PRIMA1: variants seen among roughly 807,000 people sequenced by gnomAD.
PRIMA1 encodes the protein proline rich membrane anchor 1.
A neutral mutation model predicts 17.5 loss-of-function variants in PRIMA1; 7 were observed. The ratio of observed to expected loss-of-function variants is 0.40; its 90% CI spans 0.23 to 0.75. PRIMA1 has a LOEUF of 0.75. Ranked by LOEUF, PRIMA1 falls within the 30% of genes least tolerant of loss-of-function variation. PRIMA1 has a pLI of 0.37. For synonymous variants in PRIMA1, 97 were observed against 77.9 expected (o/e 1.25, Z -1.29); for missense variants, 200 against 201.8 (o/e 0.99, Z 0.05).
At position 93,787,691 on chromosome 14, in the gene PRIMA1, G is replaced by C. The variant is rs1236227808; in HGVS notation, c.28C>G (p.Arg10Gly). The stretch of plus-strand genomic sequence containing the variant: ...AGCAGCGAGGACCAGCAGCAGCCAC[G>C]GCGCAGCACCAAGTCCCGGAGGAGC... MLLRDLVLR[R>G]GCCWSSLLLH... Residue 10 changes from arginine (R) to glycine (G), a missense_variant, in exon 2 of 5, where the codon CGT (arginine) becomes GGT (glycine). By Grantham distance (125) the Arg-to-Gly change is moderately radical. Transcript: ENST00000393140. 2 of 1,544,464 alleles carry C rather than the reference G, an allele frequency of 1.3e-6. No homozygotes were observed. Among genetic ancestry groups the C allele is most frequent in the East Asian group, 2.4e-5 (1 of 40,906 alleles).
intron 3 of PRIMA1, among the ~76,000 whole-genome samples, chr14:93,756,350 A>G (rs114245672): frequency 0.02 from 3,041 of 152,226 alleles, 112 homozygotes; most frequent in African/African-American, 0.069. Flanking sequence ...ACATGGATTG[A>G]TTTTAATCTA....
chr14:93,747,174 G>C (rs568150506), intron 3 of PRIMA1, among the ~76,000 whole-genome samples: 26 of 152,290 alleles, frequency 1.7e-4, no homozygotes, highest in African/African-American at 6.3e-4. Context: ...GTGCAGAGGA[G>C]GGTGACAGGG....
At chr14:93,788,785 C>A (rs1357497208), upstream of PRIMA1, among the ~76,000 whole-genome samples, 1 of 151,960 alleles carries the variant, frequency 6.6e-6, no homozygotes, top group Non-Finnish European at 1.5e-5. Context: ...GGCTGGCCGC[C>A]GAGGCGGAGG....
At chr14:93,764,174 C>T (rs958118855) in intron 3 of PRIMA1, among the ~76,000 whole-genome samples, 4 of 152,016 alleles carry the variant, frequency 2.6e-5, no homozygotes, top group South Asian at 4.2e-4. Flanking sequence ...TGCAGGCTGC[C>T]GGGCTTGGCC....
At chr14:93,782,606 C>T (rs979203495) in intron 2 of PRIMA1, among the ~76,000 whole-genome samples, 11 of 152,140 alleles carry the variant, frequency 7.2e-5, no homozygotes, top group South Asian at 4.1e-4. Flanking sequence ...GGCAACAGAG[C>T]GAGACCCTGC....
chr14:93,735,992 C>T (rs985285931), intron 4 of PRIMA1, among the ~76,000 whole-genome samples: 4 of 152,228 alleles, frequency 2.6e-5, no homozygotes, highest in African/African-American at 9.6e-5. Context: ...CCTGGCCCCA[C>T]CTTGGTTTTC....
chr14:93,732,296 A>G (rs1342155547), intron 4 of PRIMA1, among the ~76,000 whole-genome samples: 3 of 152,176 alleles, frequency 2.0e-5, no homozygotes, highest in Non-Finnish European at 1.5e-5. Flanking sequence ...CCACCCCAGG[A>G]AAACAGCCAC....
chr14:93,726,828 CAT>C lies in PRIMA1; in HGVS notation c.360-5284_360-5283del, dbSNP rs1469883641. Among the ~76,000 whole-genome samples, 1 of 152,058 alleles carries C rather than the reference CAT, an allele frequency of 6.6e-6. No individual in the cohort carries two copies. Among genetic ancestry groups the C allele is most frequent in the Non-Finnish European group, 1.5e-5 (1 of 67,988 alleles). On this transcript the variant is annotated intron_variant, in intron 4 of 4. Transcript: ENST00000393140. This position sits in a 1 kb window ranked among gnomAD's most constrained non-coding sequence, Gnocchi z 4.2. ...TACTTCAACACACACACAATATACA[CAT>C]ACACACATGTCCCTACACACATATG...
chr14:93,759,672 G>A (rs1478206601), intron 3 of PRIMA1, among the ~76,000 whole-genome samples: 2 of 152,176 alleles, frequency 1.3e-5, no homozygotes, highest in Admixed American at 6.5e-5. Context: ...GTTCCAGGAC[G>A]CTTTGCATTT....
At chr14:93,781,979 A>G (rs1186700974) in intron 2 of PRIMA1, among the ~76,000 whole-genome samples, 1 of 148,826 alleles carries the variant, frequency 6.7e-6, no homozygotes, top group Non-Finnish European at 1.5e-5. Flanking sequence ...GTCTCAAAAA[A>G]GAATAAGGCC....
At chr14:93,728,125 T>C (rs1416949664) in intron 4 of PRIMA1, among the ~76,000 whole-genome samples, 1 of 152,176 alleles carries the variant, frequency 6.6e-6, no homozygotes, top group East Asian at 1.9e-4. Flanking sequence ...GCGCCTCTCT[T>C]CACGGGCAAG....
chr14:93,758,920 C>T (rs925959660), intron 3 of PRIMA1, among the ~76,000 whole-genome samples: 8 of 152,150 alleles, frequency 5.3e-5, no homozygotes, highest in African/African-American at 1.4e-4. Flanking sequence ...CCTGCCCGCT[C>T]TCTGTGGGCT....
chr14:93,759,973 C>T (rs1206685319), intron 3 of PRIMA1, among the ~76,000 whole-genome samples: 1 of 152,252 alleles, frequency 6.6e-6, no homozygotes, highest in Non-Finnish European at 1.5e-5. Context: ...AAGGGCAGCA[C>T]AGATGCCACA....
At chr14:93,787,130 G>A (rs949769964) in intron 2 of PRIMA1, among the ~76,000 whole-genome samples, 9 of 152,172 alleles carry the variant, frequency 5.9e-5, no homozygotes, top group Non-Finnish European at 4.4e-5. Context: ...CCCAGGGTGA[G>A]AGATTCAACC....
At chr14:93,787,580 T>C (rs1885559379) in intron 2 of PRIMA1, 46 bp downstream of exon 2, 4 of 1,537,054 alleles carry the variant, frequency 2.6e-6, no homozygotes, top group African/African-American at 1.4e-5. Context: ...AGCTCGCCCC[T>C]TACCCAGGAG....
intron 4 of PRIMA1, among the ~76,000 whole-genome samples, chr14:93,724,822 A>G (rs1184812326): frequency 6.6e-6 from 1 of 152,222 alleles, no homozygotes; most frequent in Non-Finnish European, 1.5e-5. Flanking sequence ...CAACAGGTCC[A>G]GATCATGGGA....
At chr14:93,750,426 C>T (rs2076252961) in intron 3 of PRIMA1, among the ~76,000 whole-genome samples, 1 of 152,220 alleles carries the variant, frequency 6.6e-6, no homozygotes, top group African/African-American at 2.4e-5. Context: ...ATGACGGGGC[C>T]CTCATGAATG....
rs906830952 is a variant in PRIMA1, at chr14:93,720,840, T to G, written c.*604A>C. 6.6e-6 allele frequency: 1 copy of G among 152,380 alleles called. No individual in the cohort carries two copies. Among genetic ancestry groups the G allele is most frequent in the African/African-American group, 2.4e-5 (1 of 41,412 alleles). 9.4% of individuals were successfully genotyped at this position (152,380 alleles called of 1,614,324 possible). A position where few individuals can be genotyped will look rare whatever the true frequency, so the allele number is the denominator to read the frequency against. On this transcript the variant is annotated 3_prime_UTR_variant, in exon 5 of 5. Transcript: ENST00000393140. ...CCTCCATGGCAGGCAGTCAGGAGCCTAGGGTGTAGGGTGTCAGTGGGGATA... is the reference window on the plus strand; with the variant it reads ...CCTCCATGGCAGGCAGTCAGGAGCCGAGGGTGTAGGGTGTCAGTGGGGATA...
At chr14:93,772,333 A>C (rs1473088361) in intron 3 of PRIMA1, among the ~76,000 whole-genome samples, 1 of 152,252 alleles carries the variant, frequency 6.6e-6, no homozygotes, top group Non-Finnish European at 1.5e-5. Context: ...AATCTCTATC[A>C]GTGCTTTGAA....
Sources: gnomAD v4.1 joint callset for allele counts (sites outside exome capture counted in the v4.1 genomes callset) on GRCh38, gnomAD v4.1.1 for gene constraint, Gnocchi (gnomAD v3.1) non-coding constraint, MANE v1.5 for transcripts, NCBI Gene and HGNC (gene_info 2026-07-23, HGNC 2026-07-21) for gene names.